The following FBXL17 variants were observed in gnomAD, a reference collection of about 807,000 sequenced individuals.
The protein encoded by FBXL17 is F-box and leucine rich repeat protein 17.
FBXL17 carries 22 observed loss-of-function variants against 66.2 expected under a neutral mutation model. The observed-to-expected ratio is 0.33, with a 90% CI of 0.24 to 0.47. The LOEUF is 0.47. Among genes scored for constraint, FBXL17 ranks in the 20% least tolerant of loss-of-function variants. The probability of loss-of-function intolerance (pLI) is 1.00; values close to 1 mark genes in which losing one functional copy is unlikely to be tolerated. For synonymous variants in FBXL17, 474 were observed against 400.5 expected (o/e 1.18, Z -2.19); for missense variants, 878 against 948.2 (o/e 0.93, Z 0.97).
At chr5:107,929,196 T>C (rs185238349) in intron 7 of FBXL17, among the ~76,000 whole-genome samples, 52 of 152,274 alleles carry the variant, frequency 3.4e-4, no homozygotes, top group Middle Eastern at 6.8e-3. Context: ...CAGAGAATAA[T>C]TCATTTTTAA....
intron 4 of FBXL17, among the ~76,000 whole-genome samples, chr5:108,233,586 C>T (rs1470268439): frequency 2.0e-5 from 3 of 152,040 alleles, no homozygotes; most frequent in Non-Finnish European, 4.4e-5. Context: ...GAAAGATAAC[C>T]CTCAGATTCA....
chr5:108,125,113 T>G (rs1417119829), intron 6 of FBXL17, among the ~76,000 whole-genome samples: 2 of 151,938 alleles, frequency 1.3e-5, no homozygotes, highest in East Asian at 1.9e-4. Flanking sequence ...ATTCTGTATT[T>G]TATTAAAAAA....
intron 8 of FBXL17, among the ~76,000 whole-genome samples, chr5:107,871,057 CAA>C (rs201752049): frequency 9.1e-5 from 6 of 65,902 alleles, no homozygotes; most frequent in South Asian, 9.6e-4. Flanking sequence ...TCTTGGGCGG[CAA>C]AAAAAAAAAA....
At chr5:108,196,889 T>C (rs1164772377) in intron 5 of FBXL17, among the ~76,000 whole-genome samples, 1 of 152,198 alleles carries the variant, frequency 6.6e-6, no homozygotes, top group East Asian at 1.9e-4. Flanking sequence ...CAAAACTTTT[T>C]TTTAAGAGCC....
At chr5:108,201,470 A>G (rs528187466) in intron 5 of FBXL17, among the ~76,000 whole-genome samples, 1 of 152,266 alleles carries the variant, frequency 6.6e-6, no homozygotes, top group African/African-American at 2.4e-5. Flanking sequence ...AAATACAGTT[A>G]AGTATTTTAT....
In FBXL17 at chr5:107,861,205, T is replaced by C. The variant is rs1352222432; in HGVS notation, c.*515A>G. On this transcript the variant is annotated 3_prime_UTR_variant, in exon 9 of 9. Transcript: ENST00000542267. ...CTACCTTAGTGGCCTGGAAGAAGGC[T>C]TCTCTGTCAGGAAACGATCTAGAGT... is the stretch of plus-strand genomic sequence containing the variant. The C allele has an allele frequency of 6.6e-6, 1 of 152,216 alleles. No homozygotes were observed. The highest frequency in any genetic ancestry group is 2.4e-5 in the African/African-American group (1 of 41,458). 9.4% of individuals were successfully genotyped at this position (152,216 alleles called of 1,614,324 possible).
intron 5 of FBXL17, among the ~76,000 whole-genome samples, chr5:108,198,388 T>C (rs1382860996): frequency 6.6e-6 from 1 of 152,194 alleles, no homozygotes; most frequent in Non-Finnish European, 1.5e-5. Flanking sequence ...TCCATACTAG[T>C]GAAACAGGAG....
intron 3 of FBXL17, among the ~76,000 whole-genome samples, chr5:108,356,508 G>A (rs1747997790): frequency 1.3e-5 from 2 of 152,026 alleles, no homozygotes. Context: ...AAAAATAAAT[G>A]AGCTATGAAA....
At chr5:108,041,599 G>A (rs984765062) in intron 6 of FBXL17, among the ~76,000 whole-genome samples, 7 of 151,794 alleles carry the variant, frequency 4.6e-5, no homozygotes, top group African/African-American at 1.7e-4. Context: ...TTAATTTTTA[G>A]TGGAGACGAG....
At chr5:108,225,147 A>G (rs1453006911) in intron 4 of FBXL17, among the ~76,000 whole-genome samples, 1 of 152,148 alleles carries the variant, frequency 6.6e-6, no homozygotes, top group African/African-American at 2.4e-5. Context: ...TGAACACTTT[A>G]TATAAAAAGA....
intron 7 of FBXL17, among the ~76,000 whole-genome samples, chr5:107,881,931 A>G (rs1748807239): frequency 6.6e-6 from 1 of 152,160 alleles, no homozygotes; most frequent in Admixed American, 6.5e-5. Flanking sequence ...CTTATCCCAT[A>G]ATCTATGATG....
intron 7 of FBXL17, among the ~76,000 whole-genome samples, chr5:107,945,168 C>T (rs1751241067): frequency 6.6e-6 from 1 of 152,092 alleles, no homozygotes; most frequent in African/African-American, 2.4e-5. Context: ...AAAGGCTCTA[C>T]CTCATCAGAA....
chr5:107,958,108 T>A (rs916333608), intron 7 of FBXL17, among the ~76,000 whole-genome samples: 5 of 148,586 alleles, frequency 3.4e-5, no homozygotes, highest in African/African-American at 1.2e-4. Flanking sequence ...TGATTATGAG[T>A]CAACTTTGGT....
chr5:108,174,708 AT>A (rs1034098914), intron 6 of FBXL17, among the ~76,000 whole-genome samples: 5 of 145,150 alleles, frequency 3.4e-5, no homozygotes, highest in African/African-American at 1.0e-4. Flanking sequence ...AACTCATACA[AT>A]TTTTTTTCTC....
At chr5:108,133,368 T>G (rs1208802187) in intron 6 of FBXL17, among the ~76,000 whole-genome samples, 1 of 152,188 alleles carries the variant, frequency 6.6e-6, no homozygotes, top group Non-Finnish European at 1.5e-5. Context: ...TATTTAAATA[T>G]TCATAGTTTA....
At chr5:108,060,196 A>G (rs1280886183) in intron 6 of FBXL17, among the ~76,000 whole-genome samples, 2 of 151,890 alleles carry the variant, frequency 1.3e-5, no homozygotes, top group Non-Finnish European at 2.9e-5. Context: ...AGATATAGAT[A>G]TATCACCACT....
At chr5:108,269,425 A>T (rs1017434039) in intron 4 of FBXL17, among the ~76,000 whole-genome samples, 1 of 152,108 alleles carries the variant, frequency 6.6e-6, no homozygotes, top group Non-Finnish European at 1.5e-5. Flanking sequence ...AACCCAAGAA[A>T]GGTATAACCT....
At chr5:108,036,150 G>C (rs761025370) in intron 6 of FBXL17, among the ~76,000 whole-genome samples, 5 of 151,880 alleles carry the variant, frequency 3.3e-5, no homozygotes, top group African/African-American at 1.2e-4. Context: ...AGTTTTTTTT[G>C]TTGCTGTTCA....
intron 5 of FBXL17, among the ~76,000 whole-genome samples, chr5:108,199,102 C>T (rs573601781): frequency 6.6e-6 from 1 of 152,030 alleles, no homozygotes; most frequent in Non-Finnish European, 1.5e-5. Context: ...TTAAAAATAA[C>T]AATATCTAGT....
Sources: allele counts gnomAD v4.1 joint callset (sites outside exome capture counted in the v4.1 genomes callset), GRCh38; gene constraint gnomAD v4.1.1; transcripts MANE v1.5; gene names NCBI Gene and HGNC (gene_info 2026-07-23, HGNC 2026-07-21).